Variants in FIG4 observed in about 807,000 individuals in gnomAD.
FIG4 encodes the protein FIG4 phosphoinositide 5-phosphatase.
In FIG4, 112 loss-of-function variants were observed where a neutral mutation model predicts 118.6. That is an observed-to-expected ratio of 0.94 (90% CI 0.81 to 1.11). FIG4 has a LOEUF of 1.11. Ranked by LOEUF, FIG4 falls within the 50% of genes least tolerant of loss-of-function variation. The pLI, the probability that FIG4 is intolerant of heterozygous loss-of-function variation, is 0.00. For synonymous variants in FIG4, 369 were observed against 381.2 expected (o/e 0.97, Z 0.37); for missense variants, 969 against 1,111.7 (o/e 0.87, Z 1.83).
At chr6:109,709,286 A>G (rs1010761103) in intron 1 of FIG4, among the ~76,000 whole-genome samples, 2 of 152,042 alleles carry the variant, frequency 1.3e-5, no homozygotes, top group Non-Finnish European at 2.9e-5. Flanking sequence ...GTGTGGCCTT[A>G]TTTCTGGGTT....
At chr6:109,763,807 G>A in intron 12 of FIG4, 130 bp from the exon 13 acceptor site, 1 of 703,366 alleles carries the variant, frequency 1.4e-6, no homozygotes, top group South Asian at 1.5e-5. Context: ...GAGTAGGCAG[G>A]ATCAGCTGAT....
At position 109,765,044 on chromosome 6, in the gene FIG4, G is replaced by A. The variant is rs201189638; in HGVS notation, c.1466G>A (p.Cys489Tyr). The A allele has an allele frequency of 1.2e-6, 2 of 1,613,940 alleles. No individual in the cohort carries two copies. The highest frequency in any genetic ancestry group is 8.5e-7 in the Non-Finnish European group (1 of 1,179,826). ...TGILRTNCVD[C>Y]LDRTNTAQFM... ...ATCCTTCGAACCAACTGTGTGGACT[G>A]TTTAGATCGCACCAACACAGCACAG... Residue 489 changes from cysteine to tyrosine, a missense_variant, in exon 14 of 23, where the codon TGT (cysteine) becomes TAT (tyrosine). This residue lies in a region of FIG4 where 246 missense variants were observed against 354.3 expected (regional missense o/e 0.69). Transcript: ENST00000230124.
chr6:109,735,367 CT>C, intron 6 of FIG4, 69 bp downstream of exon 6: 1 of 1,417,382 alleles, frequency 7.1e-7, no homozygotes, highest in Non-Finnish European at 1.0e-6. Context: ...ATTAAATTCA[CT>C]CACATTTCCC....
At chr6:109,695,579 TACACAC>T (rs57747347) in intron 1 of FIG4, among the ~76,000 whole-genome samples, 1 of 148,732 alleles carries the variant, frequency 6.7e-6, no homozygotes, top group African/African-American at 2.5e-5. Flanking sequence ...ATGCAGTGAA[TACACAC>T]ACACACACAC....
At chr6:109,785,514 A>T (rs1777927114) in intron 17 of FIG4, among the ~76,000 whole-genome samples, 1 of 152,236 alleles carries the variant, frequency 6.6e-6, no homozygotes, top group South Asian at 2.1e-4. Flanking sequence ...TCAGAGGGGC[A>T]GGAAACATTC....
At chr6:109,792,844 C>G (rs1778177564) in intron 21 of FIG4, among the ~76,000 whole-genome samples, 180 bp downstream of exon 21, 1 of 149,922 alleles carries the variant, frequency 6.7e-6, no homozygotes, top group Admixed American at 6.7e-5. Flanking sequence ...GTGCACGCCA[C>G]TATGCCTGGC....
chr6:109,780,730 G>A (rs1335826326), intron 16 of FIG4, among the ~76,000 whole-genome samples: 1 of 152,092 alleles, frequency 6.6e-6, no homozygotes, highest in Non-Finnish European at 1.5e-5. Context: ...TAATGGCGTG[G>A]CATATCTATG....
intron 3 of FIG4, among the ~76,000 whole-genome samples, chr6:109,718,784 A>C (rs1775513975): frequency 6.6e-6 from 1 of 152,214 alleles, no homozygotes; most frequent in Non-Finnish European, 1.5e-5. Context: ...AGTATGTTAA[A>C]TTCCACTTTC....
At chr6:109,821,029 A>G (rs1778992120) in intron 22 of FIG4, among the ~76,000 whole-genome samples, 1 of 152,238 alleles carries the variant, frequency 6.6e-6, no homozygotes, top group Non-Finnish European at 1.5e-5. Context: ...CACCCAATTC[A>G]ATACCAGGGG....
chr6:109,699,090 G>C (rs1458925667), intron 1 of FIG4, among the ~76,000 whole-genome samples: 1 of 152,190 alleles, frequency 6.6e-6, no homozygotes, highest in East Asian at 1.9e-4. Flanking sequence ...TGAAAGATTT[G>C]TGAATAGAGT....
chr6:109,695,754 T>A (rs1197644194), intron 1 of FIG4, among the ~76,000 whole-genome samples: 2 of 152,210 alleles, frequency 1.3e-5, no homozygotes, highest in Non-Finnish European at 2.9e-5. Context: ...TTTAATACAG[T>A]TCTTTGAAGA....
intron 22 of FIG4, among the ~76,000 whole-genome samples, chr6:109,809,148 G>A (rs1242803466): frequency 6.6e-6 from 1 of 152,112 alleles, no homozygotes; most frequent in East Asian, 1.9e-4. Context: ...TATTTGGAAG[G>A]CTATTAAAAT....
chr6:109,800,796 G>T (rs188871362), intron 22 of FIG4, among the ~76,000 whole-genome samples: 1 of 152,054 alleles, frequency 6.6e-6, no homozygotes, highest in East Asian at 1.9e-4. Flanking sequence ...TAAACCCTTT[G>T]CCCCTCCTGC....
In FIG4 at chr6:109,701,772, A is replaced by C. The variant is rs1427399148; in HGVS notation, c.66+10271A>C. On this transcript the variant is annotated intron_variant, in intron 1 of 22. Coordinates refer to ENST00000230124, the MANE Select transcript of FIG4 (RefSeq NM_014845.6). ...TAGCCTTGATTTGTGTAATCAGTGA[A>C]TGGGAGAGAGCAATATAGGGTGTAG... 5 of 471,502 alleles carry C rather than the reference A, an allele frequency of 1.1e-5. No homozygotes were observed. In the Admixed American group the frequency reaches 1.2e-4, roughly 11 times the overall value. 29.2% of individuals were successfully genotyped at this position (471,502 alleles called of 1,614,324 possible). A position where few individuals can be genotyped will look rare whatever the true frequency, so the allele number is the denominator to read the frequency against.
chr6:109,768,222 T>C (rs1777343139), intron 15 of FIG4, among the ~76,000 whole-genome samples: 1 of 152,098 alleles, frequency 6.6e-6, no homozygotes, highest in African/African-American at 2.4e-5. Context: ...AGAGAGACCT[T>C]AGCAGCAAGA....
chr6:109,754,218 T>C (rs1256974108), intron 10 of FIG4, among the ~76,000 whole-genome samples: 1 of 152,186 alleles, frequency 6.6e-6, no homozygotes, highest in Non-Finnish European at 1.5e-5. Context: ...TTGTCTTTGG[T>C]TCTGTTTATA....
intron 1 of FIG4, among the ~76,000 whole-genome samples, chr6:109,712,153 G>A (rs978744532): frequency 6.6e-6 from 1 of 152,160 alleles, no homozygotes; most frequent in Admixed American, 6.5e-5. Flanking sequence ...TCCCTTTGTA[G>A]GTGACCTGAC....
intron 22 of FIG4, among the ~76,000 whole-genome samples, chr6:109,823,137 C>T (rs1376592644): frequency 6.6e-6 from 1 of 152,024 alleles, no homozygotes; most frequent in Non-Finnish European, 1.5e-5. Flanking sequence ...AAATCCTCAA[C>T]CTTTGCCAGA....
intron 18 of FIG4, among the ~76,000 whole-genome samples, chr6:109,789,307 A>G (rs919892045): frequency 2.6e-5 from 4 of 152,242 alleles, no homozygotes; most frequent in African/African-American, 4.8e-5. Flanking sequence ...TAGAGAATTC[A>G]CAGTTAAGAC....
Sources: allele counts gnomAD v4.1 joint callset (sites outside exome capture counted in the v4.1 genomes callset), GRCh38; gene constraint gnomAD v4.1.1; regional missense constraint gnomAD v4.1.1; transcripts MANE v1.5; gene names NCBI Gene and HGNC (gene_info 2026-07-23, HGNC 2026-07-21).